Variants in SND1 observed in about 807,000 individuals in gnomAD.
SND1 encodes staphylococcal nuclease and tudor domain containing 1, also known as staphylococcal nuclease domain-containing protein 1.
Under a neutral mutation model 121.7 loss-of-function variants are expected in SND1, and 38 were observed. The observed-to-expected ratio is 0.31, with a 90% CI of 0.24 to 0.41. SND1 has a LOEUF of 0.41. SND1 is among the 10% of genes least tolerant of loss of function. The pLI, the probability that SND1 is intolerant of heterozygous loss-of-function variation, is 1.00. For missense variants in SND1, 868 were observed against 1,184.6 expected, an observed-to-expected ratio of 0.73 and a Z score of 3.92; for synonymous variants, 401 against 447.4, an observed-to-expected ratio of 0.90 and a Z score of 1.31.
At chr7:127,989,920 G>A (rs937888270) in intron 15 of SND1, among the ~76,000 whole-genome samples, 7 of 152,100 alleles carry the variant, frequency 4.6e-5, no homozygotes, top group African/African-American at 7.2e-5. Context: ...CAAAACTAAC[G>A]GGTTGACTCA....
intron 15 of SND1, among the ~76,000 whole-genome samples, chr7:127,986,059 G>T (rs2116909155): frequency 6.6e-6 from 1 of 152,226 alleles, no homozygotes; most frequent in South Asian, 2.1e-4. Context: ...AGCTCCCACT[G>T]CCCAATAAAG....
intron 1 of SND1, among the ~76,000 whole-genome samples, chr7:127,675,978 C>A (rs1795608929): frequency 6.6e-6 from 1 of 152,164 alleles, no homozygotes; most frequent in African/African-American, 2.4e-5. Flanking sequence ...ACAGTCCTGA[C>A]CCTGGTTTCC....
At chr7:127,657,901 T>C (rs1795239403) in intron 1 of SND1, among the ~76,000 whole-genome samples, 1 of 152,196 alleles carries the variant, frequency 6.6e-6, no homozygotes, top group Admixed American at 6.5e-5. Context: ...ATGTAATATA[T>C]GTGTTTAAGG....
At chr7:127,998,268 A>G (rs1802725458) in intron 16 of SND1, 3 of 261,388 alleles carry the variant, frequency 1.1e-5, no homozygotes, top group Non-Finnish European at 2.3e-5. Context: ...GACTGGACAC[A>G]TGGCTGCTAA....
chr7:128,048,900 C>T (rs1353225074), intron 16 of SND1, among the ~76,000 whole-genome samples: 2 of 152,202 alleles, frequency 1.3e-5, no homozygotes, highest in Non-Finnish European at 2.9e-5. Context: ...AGAATGGTCC[C>T]TCTGGTTTAC....
At chr7:127,923,648 T>G (rs1238292513) in intron 14 of SND1, among the ~76,000 whole-genome samples, 1 of 152,200 alleles carries the variant, frequency 6.6e-6, no homozygotes, top group Non-Finnish European at 1.5e-5. Context: ...GCCCAAGATG[T>G]GGAAAGGAGG....
chr7:128,039,728 T>C (rs765922756), intron 16 of SND1, among the ~76,000 whole-genome samples: 46 of 152,348 alleles, frequency 3.0e-4, no homozygotes, highest in Non-Finnish European at 4.7e-4. Context: ...TCAAATTGGC[T>C]AAAGTGCATT....
intron 16 of SND1, among the ~76,000 whole-genome samples, chr7:128,064,616 A>C (rs1793283134): frequency 6.6e-6 from 1 of 152,166 alleles, no homozygotes; most frequent in Non-Finnish European, 1.5e-5. Context: ...TTGGAGATTC[A>C]CCTGGTGGAG....
chr7:127,872,308 C>G (rs979949769), intron 12 of SND1, among the ~76,000 whole-genome samples: 1 of 152,162 alleles, frequency 6.6e-6, no homozygotes, highest in African/African-American at 2.4e-5. Flanking sequence ...TGTTCCTGCT[C>G]TGTGCCATGT....
chr7:127,960,676 C>T (rs911181996), intron 15 of SND1, among the ~76,000 whole-genome samples: 1 of 152,184 alleles, frequency 6.6e-6, no homozygotes, highest in African/African-American at 2.4e-5. Context: ...AAATCTGTAT[C>T]CACCATGATT....
intron 12 of SND1, among the ~76,000 whole-genome samples, chr7:127,868,215 A>G (rs1037605793): frequency 2.6e-5 from 4 of 152,150 alleles, no homozygotes; most frequent in Non-Finnish European, 4.4e-5. Context: ...AACATGGTGA[A>G]ACCCTTTCTC....
intron 18 of SND1, 36 bp downstream of exon 18, chr7:128,081,537 T>C: frequency 6.2e-7 from 1 of 1,611,178 alleles, no homozygotes. Context: ...GGTTCCTGGC[T>C]TGGTCCAGCT....
intron 10 of SND1, among the ~76,000 whole-genome samples, chr7:127,737,869 C>G (rs918332380): frequency 4.6e-5 from 7 of 152,176 alleles, no homozygotes; most frequent in Non-Finnish European, 8.8e-5. Context: ...GTCCGCATCT[C>G]AAATACACTT....
Position 127,652,204 on chromosome 7 carries a change from C to T in SND1, c.-170C>T, listed in dbSNP as rs950758939. ...CGGCGGAGATCGCGTCTCTTTCGCT[C>T]CGTGTCCCGCTGCTGCTCCTGTGAG... On this transcript the variant is annotated 5_prime_UTR_variant, in exon 1 of 24. Coordinates refer to ENST00000354725, the MANE Select transcript of SND1 (RefSeq NM_014390.4). 5 of 671,032 alleles carry T rather than the reference C, an allele frequency of 7.5e-6. No individual in the cohort carries two copies. The highest frequency in any genetic ancestry group is 6.6e-5 in the Admixed American group (3 of 45,474). The allele number at this position is 671,032 out of a possible 1,614,324, so 41.6% of individuals were successfully genotyped here.
chr7:127,920,025 A>T (rs970736356), intron 14 of SND1, among the ~76,000 whole-genome samples: 2 of 152,178 alleles, frequency 1.3e-5, no homozygotes, highest in African/African-American at 4.8e-5. Flanking sequence ...GAGTAGATAC[A>T]ATTAAGTTTC....
chr7:127,785,638 G>C (rs1797799223), intron 10 of SND1, among the ~76,000 whole-genome samples: 1 of 152,130 alleles, frequency 6.6e-6, no homozygotes, highest in South Asian at 2.1e-4. Flanking sequence ...TTGATTCTTA[G>C]TGTTTATTTG....
chr7:128,030,778 G>C (rs1488031991), intron 16 of SND1: 4 of 1,117,786 alleles, frequency 3.6e-6, no homozygotes, highest in Middle Eastern at 5.6e-4. Context: ...TTAGAGAGAC[G>C]GAGCGGATCG....
At position 128,085,078 on chromosome 7, in the gene SND1, G is replaced by A. The variant is rs182593056; in HGVS notation, c.2234+231G>A. ...GAAGTGGCTCCTTCCTTGTCTCCTG[G>A]GGGATTCCAGGGTGGGAGCCCTTGC... On this transcript the variant is annotated intron_variant, in intron 19 of 23. Transcript: ENST00000354725. The surrounding 1 kb of genome is among the most constrained non-coding windows in gnomAD (Gnocchi z 4.4). 1.3e-5 allele frequency among the ~76,000 whole-genome samples: 2 copies of A among 152,172 alleles called. No individual in the cohort carries two copies. The highest frequency in any genetic ancestry group is 2.4e-5 in the African/African-American group (1 of 41,446).
intron 14 of SND1, among the ~76,000 whole-genome samples, chr7:127,909,497 G>T (rs1584659166): frequency 6.6e-6 from 1 of 150,980 alleles, no homozygotes. Flanking sequence ...TATCACCAAG[G>T]CTGGACTGAA....
Sources: gnomAD v4.1 joint callset for allele counts (sites outside exome capture counted in the v4.1 genomes callset) on GRCh38, gnomAD v4.1.1 for gene constraint, Gnocchi (gnomAD v3.1) non-coding constraint, MANE v1.5 for transcripts, NCBI Gene and HGNC (gene_info 2026-07-23, HGNC 2026-07-21) for gene names.